KCNN2: variants seen among roughly 807,000 people sequenced by gnomAD.
KCNN2 encodes the protein small conductance calcium-activated potassium channel protein 2.
Under a neutral mutation model 55.5 loss-of-function variants are expected in KCNN2, and 24 were observed. The ratio of observed to expected loss-of-function variants is 0.43; its 90% CI spans 0.31 to 0.61. KCNN2 has a LOEUF of 0.61. Among genes scored for constraint, KCNN2 ranks in the 20% least tolerant of loss-of-function variants. KCNN2 has a pLI of 0.08. For missense variants in KCNN2, 754 were observed against 853.6 expected (o/e 0.88, Z 1.45); for synonymous variants, 431 against 336.1 (o/e 1.28, Z -3.09).
chr5:114,104,929 A>G (rs1751450963), intron 1 of KCNN2, among the ~76,000 whole-genome samples: 2 of 152,040 alleles, frequency 1.3e-5, no homozygotes, highest in African/African-American at 2.4e-5. Flanking sequence ...GTTGTGTCGC[A>G]GGAGCAAAGA....
intron 3 of KCNN2, among the ~76,000 whole-genome samples, chr5:114,444,884 C>T (rs1288785621): frequency 1.3e-5 from 2 of 152,152 alleles, no homozygotes; most frequent in South Asian, 2.1e-4. Flanking sequence ...ACTCAAATAC[C>T]CCCTGAAAAA....
chr5:114,102,620 G>T (rs1455716065), intron 1 of KCNN2, among the ~76,000 whole-genome samples: 1 of 152,134 alleles, frequency 6.6e-6, no homozygotes. Flanking sequence ...TGTATAAGGT[G>T]TAAGGGAGGG....
rs115720787 is a variant in KCNN2 at position 114,323,699 on chromosome 5, A to G, written c.-184-37246A>G. Among the ~76,000 whole-genome samples the G allele has an allele frequency of 3.1e-3, 374 of 119,624 alleles. 4 individuals carry two copies. Among genetic ancestry groups the G allele is most frequent in the African/African-American group, 0.011 (361 of 32,272 alleles). The allele number at this position is 119,624 out of a possible 152,430, so 78.5% of individuals were successfully genotyped here. A position where few individuals can be genotyped will look rare whatever the true frequency, so the allele number is the denominator to read the frequency against. On this transcript the variant is annotated intron_variant, in intron 2 of 10. Transcript: ENST00000512097. Reference sequence around the variant, plus strand: ...CGGGATGGAATCTCTCTCTGTTGCCAGCCTGGAATGCACGGCCTGATCTCA... The same window carrying G: ...CGGGATGGAATCTCTCTCTGTTGCCGGCCTGGAATGCACGGCCTGATCTCA...
intron 2 of KCNN2, among the ~76,000 whole-genome samples, chr5:114,387,875 C>T (rs182393323): frequency 3.9e-5 from 6 of 152,280 alleles, no homozygotes; most frequent in Admixed American, 3.3e-4. Flanking sequence ...TGCTCCCACT[C>T]AGATATTATT....
At chr5:114,150,300 A>T (rs929160853) in intron 1 of KCNN2, among the ~76,000 whole-genome samples, 2 of 152,192 alleles carry the variant, frequency 1.3e-5, no homozygotes, top group African/African-American at 4.8e-5. Flanking sequence ...CAAAACAGAG[A>T]TATAGACCAA....
chr5:114,082,041 T>C (rs1750836611), intron 1 of KCNN2, among the ~76,000 whole-genome samples: 1 of 152,010 alleles, frequency 6.6e-6, no homozygotes, highest in Admixed American at 6.6e-5. Context: ...CCAAAGAAGA[T>C]ATAAAAATGT....
At chr5:114,113,336 G>C in intron 1 of KCNN2, among the ~76,000 whole-genome samples, 1 of 151,834 alleles carries the variant, frequency 6.6e-6, no homozygotes, top group East Asian at 2.0e-4. Context: ...TCAGATCTCG[G>C]TCTCATTATC....
intron 1 of KCNN2, among the ~76,000 whole-genome samples, chr5:114,178,977 T>A (rs2112551117): frequency 6.6e-6 from 1 of 152,300 alleles, no homozygotes; most frequent in South Asian, 2.1e-4. Flanking sequence ...AGACTTTGAA[T>A]GCAAAGACAT....
intron 2 of KCNN2, among the ~76,000 whole-genome samples, chr5:114,309,009 A>C (rs1026833241): frequency 1.3e-5 from 2 of 152,220 alleles, no homozygotes; most frequent in African/African-American, 4.8e-5. Context: ...ATTATTAAAG[A>C]AATTGGAATG....
chr5:114,461,296 G>A (rs967207108), intron 3 of KCNN2, among the ~76,000 whole-genome samples: 1 of 152,142 alleles, frequency 6.6e-6, no homozygotes, highest in Admixed American at 6.5e-5. Context: ...GACAATGACA[G>A]CCTCTACACC....
At chr5:114,160,707 A>C (rs1752755044) in intron 1 of KCNN2, among the ~76,000 whole-genome samples, 1 of 152,132 alleles carries the variant, frequency 6.6e-6, no homozygotes, top group South Asian at 2.1e-4. Context: ...GTGCATATAT[A>C]TTTAGGATAG....
chr5:114,244,113 C>G (rs1021698949), intron 2 of KCNN2, among the ~76,000 whole-genome samples: 1 of 152,090 alleles, frequency 6.6e-6, no homozygotes, highest in Non-Finnish European at 1.5e-5. Flanking sequence ...AAATCCAGAA[C>G]TGAAAGGCAG....
chr5:114,273,370 G>T (rs1418663295), intron 2 of KCNN2, among the ~76,000 whole-genome samples: 2 of 151,762 alleles, frequency 1.3e-5, no homozygotes, highest in African/African-American at 2.4e-5. Flanking sequence ...AGAATCTTTG[G>T]GTATATGCCC....
intron 2 of KCNN2, among the ~76,000 whole-genome samples, chr5:114,321,661 T>TTG (rs1756616157): frequency 2.0e-5 from 3 of 151,110 alleles, no homozygotes; most frequent in Non-Finnish European, 3.0e-5. Flanking sequence ...GTTTTTTTTT[T>TTG]TTGTTGTTGT....
chr5:114,452,000 T>G (rs950808454), intron 3 of KCNN2, among the ~76,000 whole-genome samples: 3 of 152,200 alleles, frequency 2.0e-5, no homozygotes, highest in Admixed American at 6.5e-5. Context: ...TTCTCTTTGT[T>G]TACTTACTAA....
At chr5:114,310,558 C>G (rs1401403442) in intron 2 of KCNN2, among the ~76,000 whole-genome samples, 2 of 152,084 alleles carry the variant, frequency 1.3e-5, no homozygotes, top group African/African-American at 4.8e-5. Flanking sequence ...GCAGGATCCC[C>G]ACTGAAGTAC....
At chr5:114,131,742 A>T (rs1338655095) in intron 1 of KCNN2, among the ~76,000 whole-genome samples, 1 of 152,222 alleles carries the variant, frequency 6.6e-6, no homozygotes, top group Admixed American at 6.5e-5. Flanking sequence ...TTACAAACCC[A>T]CCAACAGTGT....
chr5:114,297,477 T>C (rs1373925524), intron 2 of KCNN2, among the ~76,000 whole-genome samples: 1 of 152,180 alleles, frequency 6.6e-6, no homozygotes, highest in Non-Finnish European at 1.5e-5. Flanking sequence ...GACAGTTCAG[T>C]GAAAGAGGCA....
intron 1 of KCNN2, among the ~76,000 whole-genome samples, chr5:114,075,822 C>T (rs1750675335): frequency 6.6e-6 from 1 of 152,146 alleles, no homozygotes; most frequent in African/African-American, 2.4e-5. Flanking sequence ...GCTGCTACTT[C>T]TATGTTGAGA....
Sources: allele counts gnomAD v4.1 joint callset (sites outside exome capture counted in the v4.1 genomes callset), GRCh38; gene constraint gnomAD v4.1.1; transcripts MANE v1.5; gene names NCBI Gene and HGNC (gene_info 2026-07-23, HGNC 2026-07-21).